The following WAC variants were observed in gnomAD, a reference collection of about 807,000 sequenced individuals.
WAC encodes the protein WW domain-containing adapter protein with coiled-coil.
Under a neutral mutation model 79.6 loss-of-function variants are expected in WAC, and 11 were observed. That is an observed-to-expected ratio of 0.14 (90% CI 0.09 to 0.23). The LOEUF is 0.23. WAC is among the 10% of genes least tolerant of loss of function. The pLI, the probability that WAC is intolerant of heterozygous loss-of-function variation, is 1.00. For synonymous variants in WAC, 304 were observed against 276.9 expected (o/e 1.10, Z -0.97); for missense variants, 728 against 773.5 (o/e 0.94, Z 0.70).
chr10:28,537,838 T>C (rs1836764698), intron 3 of WAC, among the ~76,000 whole-genome samples: 1 of 152,218 alleles, frequency 6.6e-6, no homozygotes, highest in African/African-American at 2.4e-5. Context: ...TTTTCGTTTT[T>C]AAAAATTTGC....
chr10:28,567,212 G>T (rs1274505471), intron 3 of WAC, among the ~76,000 whole-genome samples: 2 of 149,998 alleles, frequency 1.3e-5, no homozygotes, highest in Non-Finnish European at 3.0e-5. Flanking sequence ...TTGTTGGGGG[G>T]ACTTTATCTA....
At position 28,553,706 on chromosome 10, in the gene WAC, A is replaced by G. The variant is rs572562840; in HGVS notation, c.274+17949A>G. ...TTAATACAGTCAGCCTTATATATCC[A>G]TGGATTCCACATCTGTGGTTTCCCC... On this transcript the variant is annotated intron_variant, in intron 3 of 13. Coordinates refer to ENST00000354911, the MANE Select transcript of WAC (RefSeq NM_016628.5). 1.2e-3 allele frequency among the ~76,000 whole-genome samples: 184 copies of G among 152,308 alleles called. 1 individual carries two copies. The highest frequency in any genetic ancestry group is 4.0e-3 in the African/African-American group (166 of 41,562).
Position 28,621,529 on chromosome 10 carries a change from T to C in WAC, c.*1923T>C, listed in dbSNP as rs1343833979. On this transcript the variant is annotated 3_prime_UTR_variant, in exon 14 of 14. Coordinates refer to ENST00000354911, the MANE Select transcript of WAC (RefSeq NM_016628.5). ...TTTTCCTGTAATTTAAGGATACTTT[T>C]TAAATGTAAGAAAAGACATGTCATT... 1 of 152,212 alleles carries C rather than the reference T, an allele frequency of 6.6e-6. No individual in the cohort carries two copies. The highest frequency in any genetic ancestry group is 2.4e-5 in the African/African-American group (1 of 41,444). 9.4% of individuals were successfully genotyped at this position (152,212 alleles called of 1,614,324 possible). A position where few individuals can be genotyped will look rare whatever the true frequency, so the allele number is the denominator to read the frequency against.
intron 3 of WAC, among the ~76,000 whole-genome samples, chr10:28,554,861 ACT>A (rs1473715926): frequency 1.7e-4 from 26 of 151,886 alleles, no homozygotes; most frequent in African/African-American, 4.8e-4. Flanking sequence ...TTTCTAGAAT[ACT>A]CTCTTTCCAT....
intron 3 of WAC, among the ~76,000 whole-genome samples, chr10:28,582,689 C>T (rs927415995): frequency 2.6e-5 from 4 of 152,156 alleles, no homozygotes; most frequent in Admixed American, 2.0e-4. Flanking sequence ...TGTCATTCAT[C>T]AAAGTGTTTT....
Position 28,533,659 on chromosome 10 carries a change from G to GGGC in WAC, c.41+48_41+50dup, listed in dbSNP as rs749860033. ...TCGTTTCGGGCCGGGCGGCGGCGGG[G>GGGC]GGCGGCGGCGGGGGGGCTGTTCCTC... is the stretch of plus-strand genomic sequence containing the variant. On this transcript the variant is annotated intron_variant, in intron 1 of 13. Coordinates refer to ENST00000354911, the MANE Select transcript of WAC (RefSeq NM_016628.5). 2,656 of 1,540,618 alleles carry GGGC rather than the reference G, an allele frequency of 1.7e-3. 47 individuals are homozygous for GGGC. In the African/African-American group the frequency reaches 0.032, roughly 18 times the overall value.
intron 4 of WAC, among the ~76,000 whole-genome samples, chr10:28,584,692 AT>A (rs1235856712): frequency 6.6e-6 from 1 of 152,170 alleles, no homozygotes; most frequent in Admixed American, 6.5e-5. Context: ...TTCAGATTTT[AT>A]TTTTGTTTCT....
chr10:28,601,101 A>G (rs1840622965), intron 7 of WAC, among the ~76,000 whole-genome samples: 1 of 152,168 alleles, frequency 6.6e-6, no homozygotes, highest in Non-Finnish European at 1.5e-5. Context: ...GGACTTCGTC[A>G]GTATTAAAAA....
At chr10:28,573,659 A>G (rs1410781031) in intron 3 of WAC, among the ~76,000 whole-genome samples, 1 of 152,194 alleles carries the variant, frequency 6.6e-6, no homozygotes, top group Non-Finnish European at 1.5e-5. Flanking sequence ...AGCTAGACAA[A>G]TTAAAGTCAC....
chr10:28,616,441 T>G, intron 12 of WAC, 79 bp downstream of exon 12: 8 of 1,157,144 alleles, frequency 6.9e-6, no homozygotes, highest in Non-Finnish European at 9.2e-6. Flanking sequence ...GAATCTAATG[T>G]GACCACTGAA....
chr10:28,615,962 G>A (rs543808810), intron 11 of WAC: 9 of 438,744 alleles, frequency 2.1e-5, no homozygotes, highest in South Asian at 5.3e-5. Context: ...GACTCTGACA[G>A]TAGTGTTAAA....
At chr10:28,535,528 TTC>T (rs752255047) in intron 2 of WAC, 32 bp from the exon 3 acceptor site, 7 of 1,526,718 alleles carry the variant, frequency 4.6e-6, no homozygotes, top group Admixed American at 4.1e-5. Flanking sequence ...TTTCAATTCT[TTC>T]TCTCTTTTTT....
chr10:28,547,086 A>G (rs1202277604), intron 3 of WAC, among the ~76,000 whole-genome samples: 2 of 152,144 alleles, frequency 1.3e-5, no homozygotes, highest in Admixed American at 1.3e-4. Context: ...ATAAGCTTTT[A>G]AATTATTTAA....
At chr10:28,554,380 A>G (rs900540026) in intron 3 of WAC, among the ~76,000 whole-genome samples, 5 of 152,188 alleles carry the variant, frequency 3.3e-5, no homozygotes, top group Non-Finnish European at 5.9e-5. Flanking sequence ...ATCTAGAATC[A>G]GTTAATATTT....
intron 12 of WAC, among the ~76,000 whole-genome samples, chr10:28,617,089 AC>A (rs1345959810): frequency 6.6e-6 from 1 of 152,124 alleles, no homozygotes; most frequent in East Asian, 1.9e-4. Context: ...TCTCAAAAAA[AC>A]AAAAAAAAAC....
intron 4 of WAC, 46 bp downstream of exon 4, chr10:28,583,551 G>C: frequency 1.1e-6 from 1 of 874,386 alleles, no homozygotes; most frequent in African/African-American, 3.8e-5. Context: ...GGAATTTTTT[G>C]CAAAAAAAAA....
chr10:28,557,989 G>C (rs1312549627), intron 3 of WAC, among the ~76,000 whole-genome samples: 1 of 152,064 alleles, frequency 6.6e-6, no homozygotes, highest in East Asian at 1.9e-4. Context: ...CAAGAGAATT[G>C]CTTGAACCCA....
At chr10:28,544,583 T>A (rs1400089656) in intron 3 of WAC, among the ~76,000 whole-genome samples, 2 of 152,192 alleles carry the variant, frequency 1.3e-5, no homozygotes, top group Non-Finnish European at 2.9e-5. Context: ...TAGTGTCAGA[T>A]TAGCAACCTA....
At chr10:28,586,820 A>AAG (rs1223437466) in intron 4 of WAC, among the ~76,000 whole-genome samples, 1 of 152,210 alleles carries the variant, frequency 6.6e-6, no homozygotes, top group Non-Finnish European at 1.5e-5. Flanking sequence ...TTTTTATTTA[A>AAG]AGACACTGTA....
Sources: allele counts gnomAD v4.1 joint callset (sites outside exome capture counted in the v4.1 genomes callset), GRCh38; gene constraint gnomAD v4.1.1; transcripts MANE v1.5; gene names NCBI Gene and HGNC (gene_info 2026-07-23, HGNC 2026-07-21).